CNTN6: variants seen among roughly 807,000 people sequenced by gnomAD.
CNTN6 encodes contactin 6, also known as contactin-6.
Under a neutral mutation model 122.8 loss-of-function variants are expected in CNTN6, and 137 were observed. That is an observed-to-expected ratio of 1.12 (90% CI 0.97 to 1.29). The LOEUF (loss-of-function observed/expected upper bound fraction) is 1.29. Among genes scored for constraint, CNTN6 ranks in the 50% most tolerant of loss-of-function variants. CNTN6 has a pLI of 0.00. For missense variants in CNTN6, 1,634 were observed against 1,223.4 expected (o/e 1.34, Z -5.01); for synonymous variants, 570 against 426.0 (o/e 1.34, Z -4.16).
chr3:1,286,663 A>G (rs1175631244), intron 5 of CNTN6, among the ~76,000 whole-genome samples: 1 of 152,202 alleles, frequency 6.6e-6, no homozygotes. Context: ...GGTGGTTCCA[A>G]GTCTTTGCTA....
intron 7 of CNTN6, among the ~76,000 whole-genome samples, chr3:1,305,238 G>A (rs755587628): frequency 2.6e-5 from 4 of 152,272 alleles, no homozygotes; most frequent in African/African-American, 9.6e-5. Flanking sequence ...GAGGTCTAGA[G>A]AAGAACAGGT....
At chr3:1,316,788 T>C (rs1700154266) in intron 7 of CNTN6, among the ~76,000 whole-genome samples, 1 of 151,822 alleles carries the variant, frequency 6.6e-6, no homozygotes, top group Non-Finnish European at 1.5e-5. Context: ...ATTAAAACAT[T>C]AAAGCTCGCT....
chr3:1,250,222 A>G (rs1312186449), intron 4 of CNTN6, among the ~76,000 whole-genome samples: 1 of 152,192 alleles, frequency 6.6e-6, no homozygotes, highest in Non-Finnish European at 1.5e-5. Flanking sequence ...CAGAGCCAGG[A>G]CTTTAAACCT....
Position 1,158,927 on chromosome 3 carries a change from T to TACACACACACAC in CNTN6, c.55+10865_55+10866insCACACACACACA, listed in dbSNP as rs1559422958. On this transcript the variant is annotated intron_variant, in intron 2 of 22. Coordinates refer to ENST00000446702, the MANE Select transcript of CNTN6 (RefSeq NM_001289080.2). The stretch of plus-strand genomic sequence containing the variant: ...ACATATATATACACACACATATATA[T>TACACACACACAC]ATATACACACACACATATATATATA... Among the ~76,000 whole-genome samples, 19 of 116,164 alleles carry TACACACACACAC rather than the reference T, an allele frequency of 1.6e-4. 2 individuals are homozygous for TACACACACACAC. Among genetic ancestry groups the TACACACACACAC allele is most frequent in the African/African-American group, 6.8e-4 (19 of 27,740 alleles). 76.2% of individuals were successfully genotyped at this position (116,164 alleles called of 152,430 possible).
At chr3:1,355,037 A>T (rs950072821) in intron 12 of CNTN6, among the ~76,000 whole-genome samples, 2 of 151,562 alleles carry the variant, frequency 1.3e-5, no homozygotes, top group African/African-American at 4.8e-5. Context: ...GTACATGATA[A>T]CATAACTGAT....
At chr3:1,108,554 T>C (rs1040384081) in intron 1 of CNTN6, among the ~76,000 whole-genome samples, 32 of 152,158 alleles carry the variant, frequency 2.1e-4, no homozygotes, top group African/African-American at 7.5e-4. Context: ...TATTGAGCTC[T>C]TGAGTGCTCA....
intron 20 of CNTN6, among the ~76,000 whole-genome samples, chr3:1,387,822 T>A (rs991136299): frequency 5.9e-5 from 9 of 151,948 alleles, no homozygotes; most frequent in Non-Finnish European, 1.2e-4. Flanking sequence ...GAAAATTGGG[T>A]CACTCCCACC....
intron 2 of CNTN6, among the ~76,000 whole-genome samples, chr3:1,200,412 G>C (rs17493901): frequency 6.6e-6 from 1 of 152,154 alleles, no homozygotes; most frequent in African/African-American, 2.4e-5. Flanking sequence ...CTGTGTAGTT[G>C]AATCTTGGTG....
intron 2 of CNTN6, among the ~76,000 whole-genome samples, chr3:1,206,122 T>A (rs2093954568): frequency 6.6e-6 from 1 of 152,142 alleles, no homozygotes; most frequent in African/African-American, 2.4e-5. Flanking sequence ...TCTTTCCATG[T>A]CCATATTGAA....
intron 4 of CNTN6, among the ~76,000 whole-genome samples, chr3:1,257,682 A>T (rs138875365): frequency 5.7e-4 from 87 of 152,206 alleles, no homozygotes; most frequent in Non-Finnish European, 1.1e-3. Context: ...AAAGTTCCCA[A>T]TTACTCTAAA....
chr3:1,094,658 A>G (rs2124908004), intron 1 of CNTN6, among the ~76,000 whole-genome samples: 1 of 152,250 alleles, frequency 6.6e-6, no homozygotes, highest in African/African-American at 2.4e-5. Context: ...TTGTTTACTT[A>G]GAAAAGGATC....
At chr3:1,381,242 T>A (rs561298013) in intron 17 of CNTN6, among the ~76,000 whole-genome samples, 7 of 152,304 alleles carry the variant, frequency 4.6e-5, no homozygotes, top group African/African-American at 1.7e-4. Context: ...TTCTTATAAA[T>A]CTCTTCCATG....
intron 2 of CNTN6, 86 bp from the exon 3 acceptor site, chr3:1,220,600 AT>A: frequency 9.6e-7 from 1 of 1,045,304 alleles, no homozygotes; most frequent in Non-Finnish European, 1.3e-6. Flanking sequence ...AATTTTAAAT[AT>A]GTATATTGAA....
At chr3:1,217,873 G>T (rs977312355) in intron 2 of CNTN6, among the ~76,000 whole-genome samples, 1 of 152,198 alleles carries the variant, frequency 6.6e-6, no homozygotes, top group Non-Finnish European at 1.5e-5. Context: ...ATTTGGGGAA[G>T]AAATATTTTG....
At chr3:1,105,833 A>T (rs538260369) in intron 1 of CNTN6, among the ~76,000 whole-genome samples, 2 of 152,288 alleles carry the variant, frequency 1.3e-5, no homozygotes, top group South Asian at 2.1e-4. Context: ...TGTAGATTCT[A>T]AGTATACTAG....
rs545948237 is a variant in CNTN6, at chr3:1,147,908, A to T, written c.-82-19A>T. 1.4e-6 allele frequency: 1 copy of T among 737,134 alleles called. No homozygotes were observed. Among genetic ancestry groups the T allele is most frequent in the East Asian group, 2.5e-5 (1 of 39,768 alleles). The allele number at this position is 737,134 out of a possible 1,614,324, so 45.7% of individuals were successfully genotyped here. ...GTGTTTGTACGTTTTTCATTTCATG[A>T]CAATTTTGTCTTTTTCAGACTCTTG... On this transcript the variant is annotated intron_variant, in intron 1 of 22. Coordinates refer to ENST00000446702, the MANE Select transcript of CNTN6 (RefSeq NM_001289080.2).
intron 1 of CNTN6, among the ~76,000 whole-genome samples, chr3:1,142,926 GAT>G (rs1219268575): frequency 1.4e-5 from 2 of 147,300 alleles, no homozygotes; most frequent in African/African-American, 2.5e-5. Context: ...ATTATAGACA[GAT>G]ATGTACATTA....
At chr3:1,336,113 C>G (rs781124753) in intron 11 of CNTN6, among the ~76,000 whole-genome samples, 1 of 119,618 alleles carries the variant, frequency 8.4e-6, no homozygotes, top group Non-Finnish European at 2.0e-5. Context: ...ACAGCATTTT[C>G]TCTCATTTTC....
chr3:1,239,994 C>T (rs1305854241), intron 4 of CNTN6, among the ~76,000 whole-genome samples: 1 of 152,004 alleles, frequency 6.6e-6, no homozygotes, highest in Non-Finnish European at 1.5e-5. Context: ...AAACTGGATC[C>T]TCATCTCTCA....
Sources: gnomAD v4.1 joint callset for allele counts (sites outside exome capture counted in the v4.1 genomes callset) on GRCh38, gnomAD v4.1.1 for gene constraint, MANE v1.5 for transcripts, NCBI Gene and HGNC (gene_info 2026-07-23, HGNC 2026-07-21) for gene names.